The following SPAG16 variants were observed in gnomAD, a reference collection of about 807,000 sequenced individuals.
The protein encoded by SPAG16 is sperm associated antigen 16.
In SPAG16, 86 loss-of-function variants were observed where a neutral mutation model predicts 80.4. The ratio of observed to expected loss-of-function variants is 1.07; its 90% CI spans 0.90 to 1.28. The LOEUF (loss-of-function observed/expected upper bound fraction) is 1.28, where lower values mean the gene tolerates loss of function less well. SPAG16 is among the 50% of genes most tolerant of loss of function. The probability of loss-of-function intolerance (pLI) is 0.00; values close to 1 mark genes in which losing one functional copy is unlikely to be tolerated. For synonymous variants in SPAG16, 294 were observed against 265.9 expected, an observed-to-expected ratio of 1.11 and a Z score of -1.03; for missense variants, 870 against 765.3, an observed-to-expected ratio of 1.14 and a Z score of -1.61.
At chr2:214,073,613 C>T (rs1224275277) in intron 13 of SPAG16, among the ~76,000 whole-genome samples, 1 of 152,070 alleles carries the variant, frequency 6.6e-6, no homozygotes. Context: ...ATAAAGATGT[C>T]AATTCTTCTC....
intron 10 of SPAG16, among the ~76,000 whole-genome samples, chr2:213,583,656 TC>T (rs2060368567): frequency 6.6e-6 from 1 of 152,186 alleles, no homozygotes; most frequent in Non-Finnish European, 1.5e-5. Context: ...GTCTGAGGTT[TC>T]AGTAACTAAC....
chr2:213,530,965 T>G (rs763021508), intron 10 of SPAG16, among the ~76,000 whole-genome samples: 44 of 152,194 alleles, frequency 2.9e-4, no homozygotes, highest in Non-Finnish European at 1.0e-4. Flanking sequence ...TTTATGAATC[T>G]AATTAAAGTT....
At chr2:214,257,474 A>G (rs1418610275) in intron 15 of SPAG16, among the ~76,000 whole-genome samples, 1 of 152,058 alleles carries the variant, frequency 6.6e-6, no homozygotes, top group Non-Finnish European at 1.5e-5. Context: ...AAAACACTCA[A>G]TATATGAACA....
At chr2:214,343,131 T>G (rs1697818014) in intron 15 of SPAG16, among the ~76,000 whole-genome samples, 1 of 152,162 alleles carries the variant, frequency 6.6e-6, no homozygotes, top group Non-Finnish European at 1.5e-5. Flanking sequence ...AATAACTATT[T>G]TATTTAAAAA....
intron 10 of SPAG16, among the ~76,000 whole-genome samples, chr2:213,604,476 A>G (rs997256794): frequency 6.6e-6 from 1 of 152,168 alleles, no homozygotes; most frequent in African/African-American, 2.4e-5. Context: ...GAACAAATGA[A>G]CAATTGAATT....
chr2:213,329,641 T>C (rs938595626), intron 5 of SPAG16, among the ~76,000 whole-genome samples: 1 of 152,172 alleles, frequency 6.6e-6, no homozygotes, highest in Non-Finnish European at 1.5e-5. Flanking sequence ...AGCTTGATGA[T>C]GTGGTAGAGA....
intron 15 of SPAG16, among the ~76,000 whole-genome samples, chr2:214,283,489 A>G (rs919808976): frequency 9.2e-5 from 14 of 152,304 alleles, no homozygotes; most frequent in South Asian, 4.1e-4. Flanking sequence ...CACAAGGCCT[A>G]TAAGTTTGAT....
chr2:213,920,800 T>C (rs1030858267), intron 11 of SPAG16, among the ~76,000 whole-genome samples: 1 of 152,344 alleles, frequency 6.6e-6, no homozygotes, highest in African/African-American at 2.4e-5. Flanking sequence ...CCTACAGGGA[T>C]GGACATCTCT....
At chr2:213,331,621 T>C (rs2064112789) in intron 5 of SPAG16, among the ~76,000 whole-genome samples, 1 of 152,170 alleles carries the variant, frequency 6.6e-6, no homozygotes, top group Admixed American at 6.5e-5. Flanking sequence ...AATGATAGAC[T>C]ATATGTTAGG....
chr2:213,840,736 G>A (rs956959679), intron 10 of SPAG16, among the ~76,000 whole-genome samples: 3 of 152,140 alleles, frequency 2.0e-5, no homozygotes, highest in African/African-American at 4.8e-5. Context: ...AGTGAGATGG[G>A]GGTGGCATGG....
intron 10 of SPAG16, among the ~76,000 whole-genome samples, chr2:213,852,387 A>AT (rs1358050000): frequency 6.6e-6 from 1 of 152,174 alleles, no homozygotes; most frequent in African/African-American, 2.4e-5. Context: ...AAACCGTGAA[A>AT]TGATCTTAGG....
At chr2:213,819,495 T>A (rs1260630303) in intron 10 of SPAG16, among the ~76,000 whole-genome samples, 1 of 152,214 alleles carries the variant, frequency 6.6e-6, no homozygotes, top group Non-Finnish European at 1.5e-5. Context: ...ATATCACAGG[T>A]GTTCAATTAA....
chr2:213,588,693 T>A (rs2060560361), intron 10 of SPAG16, among the ~76,000 whole-genome samples: 1 of 150,434 alleles, frequency 6.6e-6, no homozygotes. Flanking sequence ...TCCCAGCTAC[T>A]CGGGAGGCTG....
chr2:214,251,089 C>T (rs1258016356), intron 15 of SPAG16, among the ~76,000 whole-genome samples: 1 of 151,542 alleles, frequency 6.6e-6, no homozygotes, highest in Non-Finnish European at 1.5e-5. Flanking sequence ...TTTTCCCTTA[C>T]CTGGGACATA....
chr2:213,504,832 G>C (rs1401170618), intron 10 of SPAG16, among the ~76,000 whole-genome samples: 2 of 152,190 alleles, frequency 1.3e-5, no homozygotes, highest in Non-Finnish European at 2.9e-5. Context: ...GTGGAGATGT[G>C]CAAAATGCAT....
At chr2:214,346,314 C>A (rs1223664343) in intron 15 of SPAG16, among the ~76,000 whole-genome samples, 2 of 152,096 alleles carry the variant, frequency 1.3e-5, no homozygotes, top group African/African-American at 2.4e-5. Context: ...TTTAAATGTT[C>A]ATTTCTCTTA....
chr2:214,130,901 TC>T (rs2054731154), intron 14 of SPAG16, among the ~76,000 whole-genome samples: 1 of 152,172 alleles, frequency 6.6e-6, no homozygotes, highest in African/African-American at 2.4e-5. Flanking sequence ...AACGTTAGTT[TC>T]AAAAATTGTC....
At chr2:213,455,610 T>C (rs966392023) in intron 9 of SPAG16, among the ~76,000 whole-genome samples, 2 of 152,168 alleles carry the variant, frequency 1.3e-5, no homozygotes, top group African/African-American at 4.8e-5. Flanking sequence ...GGGGTTTAGT[T>C]TGGGGCCAAA....
rs113030289 is a variant in SPAG16, at chr2:213,978,544, A to G, written c.1401-35407A>G. On this transcript the variant is annotated intron_variant, in intron 12 of 15. Transcript: ENST00000331683. ...TATTAGGTATTTATTGTGGCACCAC[A>G]CTACTTCCAATTTCTAAATTTTGTG... 8.5e-3 allele frequency among the ~76,000 whole-genome samples: 1,289 copies of G among 152,222 alleles called. 14 individuals carry two copies. The highest frequency in any genetic ancestry group is 0.03 in the African/African-American group (1,243 of 41,544).
Sources: gnomAD v4.1 joint callset for allele counts (sites outside exome capture counted in the v4.1 genomes callset) on GRCh38, gnomAD v4.1.1 for gene constraint, MANE v1.5 for transcripts, NCBI Gene and HGNC (gene_info 2026-07-23, HGNC 2026-07-21) for gene names.